The following MYDGF variants were observed in gnomAD, a reference collection of about 807,000 sequenced individuals.
MYDGF encodes the protein myeloid-derived growth factor.
MYDGF carries 29 observed loss-of-function variants against 24.2 expected under a neutral mutation model. The ratio of observed to expected loss-of-function variants is 1.20; its 90% CI spans 0.89 to 1.63. The LOEUF is 1.63. Ranked by LOEUF, MYDGF falls within the 40% of genes most tolerant of loss-of-function variation. The pLI, the probability that MYDGF is intolerant of heterozygous loss-of-function variation, is 0.00. For synonymous variants in MYDGF, 105 were observed against 102.5 expected (o/e 1.02, Z -0.15); for missense variants, 245 against 234.8 (o/e 1.04, Z -0.29).
At chr19:4,670,005 GC>G (rs1199553789) in intron 1 of MYDGF, among the ~76,000 whole-genome samples, 155 bp downstream of exon 1, 1 of 151,666 alleles carries the variant, frequency 6.6e-6, no homozygotes, top group Non-Finnish European at 1.5e-5. Context: ...ACGGTCCCGC[GC>G]CCCCCACTCA....
chr19:4,662,347 C>A (rs927050871), intron 3 of MYDGF, among the ~76,000 whole-genome samples: 2 of 152,196 alleles, frequency 1.3e-5, no homozygotes, highest in African/African-American at 4.8e-5. Context: ...AAGAAATACC[C>A]ACTGTTTGGG....
At chr19:4,670,121 CT>C (rs201290649) in intron 1 of MYDGF, 39 bp downstream of exon 1, 24,163 of 1,444,666 alleles carry the variant, frequency 0.017, 284 homozygotes, top group Non-Finnish European at 0.018. Flanking sequence ...CTCCCCGGGC[CT>C]GCCAGCACTC....
At chr19:4,668,849 ATT>A (rs59730499) in intron 1 of MYDGF, among the ~76,000 whole-genome samples, 39 of 140,254 alleles carry the variant, frequency 2.8e-4, no homozygotes, top group Admixed American at 2.9e-4. Flanking sequence ...CACCCGACTA[ATT>A]TTTTTTTTTT....
At chr19:4,668,941 T>C (rs1033512063) in intron 1 of MYDGF, among the ~76,000 whole-genome samples, 2 of 151,992 alleles carry the variant, frequency 1.3e-5, no homozygotes, top group East Asian at 3.9e-4. Context: ...CCTCCCGGGT[T>C]CAAACGATTC....
At chr19:4,658,665 C>T (rs900495647) in intron 5 of MYDGF, among the ~76,000 whole-genome samples, 2 of 152,186 alleles carry the variant, frequency 1.3e-5, no homozygotes, top group African/African-American at 2.4e-5. Context: ...CTTGAGGACA[C>T]CGGTGCTGCT....
intron 3 of MYDGF, among the ~76,000 whole-genome samples, chr19:4,664,014 C>T (rs1055163527): frequency 2.6e-5 from 4 of 151,682 alleles, no homozygotes; most frequent in Non-Finnish European, 4.4e-5. Context: ...GAGGCTGACA[C>T]GGGCCTCAGC....
At chr19:4,661,884 C>A (rs960309341) in intron 3 of MYDGF, among the ~76,000 whole-genome samples, 1 of 152,078 alleles carries the variant, frequency 6.6e-6, no homozygotes. Context: ...AGCCACCATC[C>A]CAACTGCTCC....
rs1190684046 is a variant in MYDGF at position 4,670,149 on chromosome 19, G to A, written c.174+12C>T. 3 of 1,508,082 alleles carry A rather than the reference G, an allele frequency of 2.0e-6. No individual in the cohort carries two copies. The highest frequency in any genetic ancestry group is 2.7e-5 in the East Asian group (1 of 36,772). 93.4% of individuals were successfully genotyped at this position (1,508,082 alleles called of 1,614,324 possible). On this transcript the variant is annotated intron_variant, in intron 1 of 5. Coordinates refer to ENST00000262947, the MANE Select transcript of MYDGF (RefSeq NM_019107.4). ...CCAGCACTCAAATATCCGGGACGGC[G>A]GTGGCACGTACCCCCGGGCCCACGT...
intron 5 of MYDGF, among the ~76,000 whole-genome samples, chr19:4,658,307 C>A (rs2088439510): frequency 6.6e-6 from 1 of 152,104 alleles, no homozygotes; most frequent in Non-Finnish European, 1.5e-5. Flanking sequence ...AGATGGCAGG[C>A]AGCAGGAAGC....
At chr19:4,668,470 G>T in intron 2 of MYDGF, 125 bp downstream of exon 2, 1 of 753,684 alleles carries the variant, frequency 1.3e-6, no homozygotes, top group South Asian at 1.6e-5. Context: ...TATTGGTTTA[G>T]GAAGAGTCAT....
rs572887331 is a variant in MYDGF at position 4,661,913 on chromosome 19, A to G, written c.288-1163T>C. ...CTGCTCCAGACCTGCACCTGCCCAG[A>G]TGCCCTCTGGGGAGCTGGCACTCAG... On this transcript the variant is annotated intron_variant, in intron 3 of 5. Transcript: ENST00000262947. 8.9e-4 allele frequency among the ~76,000 whole-genome samples: 136 copies of G among 152,076 alleles called. 1 individual carries two copies. The highest frequency in any genetic ancestry group is 1.3e-3 in the Admixed American group (20 of 15,270).
At chr19:4,662,704 C>T (rs1031709713) in intron 3 of MYDGF, among the ~76,000 whole-genome samples, 1 of 152,086 alleles carries the variant, frequency 6.6e-6, no homozygotes, top group Non-Finnish European at 1.5e-5. Context: ...AGGCTATGAG[C>T]CATCAGGCTG....
At chr19:4,660,607 C>T in intron 4 of MYDGF, 62 bp downstream of exon 4, 1 of 1,478,964 alleles carries the variant, frequency 6.8e-7, no homozygotes, top group Middle Eastern at 1.7e-4. Context: ...GGCAGGACAT[C>T]TCACAGCTGC....
chr19:4,664,863 C>T lies in MYDGF; in HGVS notation c.287+13G>A. ...ACGGCAGCCGGAAATGCCATCCCCACCCCGAGTCTCACCTCCAGATGGTGC... is the reference window on the plus strand; with the variant it reads ...ACGGCAGCCGGAAATGCCATCCCCATCCCGAGTCTCACCTCCAGATGGTGC... On this transcript the variant is annotated intron_variant, in intron 3 of 5. Coordinates refer to ENST00000262947, the MANE Select transcript of MYDGF (RefSeq NM_019107.4). 6.2e-7 allele frequency: 1 copy of T among 1,611,872 alleles called. No individual in the cohort carries two copies. The highest frequency in any genetic ancestry group is 8.5e-7 in the Non-Finnish European group (1 of 1,179,176).
In MYDGF at chr19:4,664,757, T is replaced by G. The variant is rs1480895815; in HGVS notation, c.287+119A>C. On this transcript the variant is annotated intron_variant, in intron 3 of 5. Coordinates refer to ENST00000262947, the MANE Select transcript of MYDGF (RefSeq NM_019107.4). The stretch of plus-strand genomic sequence containing the variant: ...CCACCTGCACGTGCATGAGTCTCCC[T>G]GCTGGTCTGTCTTCCCCTCCAGGGG... 3 of 1,138,644 alleles carry G rather than the reference T, an allele frequency of 2.6e-6. No homozygotes were observed. The South Asian group carries it at 4.5e-5, about 17-fold the overall frequency. The allele number at this position is 1,138,644 out of a possible 1,614,324, so 70.5% of individuals were successfully genotyped here. A position where few individuals can be genotyped will look rare whatever the true frequency, so the allele number is the denominator to read the frequency against.
chr19:4,669,919 CCCCTCAACGCCGCCGGGG>C (rs1383826430), intron 1 of MYDGF, among the ~76,000 whole-genome samples: 1 of 152,144 alleles, frequency 6.6e-6, no homozygotes, highest in Non-Finnish European at 1.5e-5. Context: ...GTGATCACGC[CCCCTCAACGCCGCCGGGG>C]CCCACAAGGC....
chr19:4,668,658 A>AG lies in MYDGF; in HGVS notation c.175-14dup. ...ACGTATATTTGTCCTAGAGAATGGA[A>AG]GGAAAAAAAAGGTTTGGTAGAAGGA... On this transcript the variant is annotated splice_polypyrimidine_tract_variant and intron_variant, in intron 1 of 5. Coordinates refer to ENST00000262947, the MANE Select transcript of MYDGF (RefSeq NM_019107.4). 4 of 1,610,164 alleles carry AG rather than the reference A, an allele frequency of 2.5e-6. No homozygotes were observed. Among genetic ancestry groups the AG allele is most frequent in the Middle Eastern group, 1.7e-4 (1 of 5,720 alleles).
chr19:4,661,958 G>A (rs1159987171), intron 3 of MYDGF, among the ~76,000 whole-genome samples: 3 of 152,128 alleles, frequency 2.0e-5, no homozygotes, highest in African/African-American at 7.2e-5. Context: ...CAGGGCAGTG[G>A]CCTGCAGACA....
At chr19:4,659,906 C>T in intron 5 of MYDGF, 25 bp downstream of exon 5, 1 of 1,610,610 alleles carries the variant, frequency 6.2e-7, no homozygotes, top group Non-Finnish European at 8.5e-7. Flanking sequence ...GGCGTCACCT[C>T]TACCCCATCC....
Sources: gnomAD v4.1 joint callset for allele counts (sites outside exome capture counted in the v4.1 genomes callset) on GRCh38, gnomAD v4.1.1 for gene constraint, MANE v1.5 for transcripts, NCBI Gene and HGNC (gene_info 2026-07-23, HGNC 2026-07-21) for gene names.